Variants in CHST13 observed in about 807,000 individuals in gnomAD.
The protein encoded by CHST13 is carbohydrate sulfotransferase 13, also known as C4ST-3.
In CHST13, 1 loss-of-function variant was observed where a neutral mutation model predicts 7.0. That is an observed-to-expected ratio of 0.14 (90% confidence interval 0.05 to 0.68). CHST13 has a LOEUF of 0.68. Among genes scored for constraint, CHST13 ranks in the 30% least tolerant of loss-of-function variants. CHST13 has a pLI of 0.82. For missense variants in CHST13, 572 were observed against 507.9 expected (o/e 1.13, Z -1.21); for synonymous variants, 257 against 240.9 (o/e 1.07, Z -0.62).
intron 1 of CHST13, chr3:126,526,998 C>T (rs541294476): frequency 6.6e-6 from 1 of 152,338 alleles, no homozygotes; most frequent in African/African-American, 2.4e-5. Flanking sequence ...ACCCCTGCCT[C>T]GAGGAGCTTA....
At chr3:126,532,930 A>C (rs2107565139) in intron 1 of CHST13, among the ~76,000 whole-genome samples, 1 of 152,278 alleles carries the variant, frequency 6.6e-6, no homozygotes, top group East Asian at 1.9e-4. Context: ...TTGGGTCTTT[A>C]ATTTCTTTCA....
intron 1 of CHST13, among the ~76,000 whole-genome samples, chr3:126,534,393 A>G (rs1936719737): frequency 8.3e-6 from 1 of 120,178 alleles, no homozygotes; most frequent in South Asian, 2.3e-4. Flanking sequence ...CAGCAAGGAG[A>G]CAGACAGACA....
At chr3:126,530,075 A>G (rs1336437273) in intron 1 of CHST13, among the ~76,000 whole-genome samples, 1 of 152,216 alleles carries the variant, frequency 6.6e-6, no homozygotes, top group Admixed American at 6.5e-5. Flanking sequence ...CAGCTGGCCA[A>G]GTCAGGATTG....
At chr3:126,536,923 A>ACACACACACC (rs557001264) in intron 2 of CHST13, among the ~76,000 whole-genome samples, 29 of 141,458 alleles carry the variant, frequency 2.1e-4, no homozygotes, top group Non-Finnish European at 4.0e-4. Context: ...ACACACACAC[A>ACACACACACC]CCCCACACAC....
At chr3:126,541,507 C>A (rs1271831616) in intron 2 of CHST13, among the ~76,000 whole-genome samples, 1 of 152,226 alleles carries the variant, frequency 6.6e-6, no homozygotes. Flanking sequence ...GCGTCCTTCT[C>A]CCAGCCTCAG....
In CHST13 at chr3:126,524,278, AC is replaced by A; in HGVS notation, c.-54del. 3 of 1,204,478 alleles carry A rather than the reference AC, an allele frequency of 2.5e-6. No homozygotes were observed. The highest frequency in any genetic ancestry group is 6.5e-4 in the Middle Eastern group (2 of 3,054). The allele number at this position is 1,204,478 out of a possible 1,614,324, so 74.6% of individuals were successfully genotyped here. A position where few individuals can be genotyped will look rare whatever the true frequency, so the allele number is the denominator to read the frequency against. Reference sequence around the variant, plus strand: ...CGGGGCCGGGTCCTGGGCCAGTGCAACTCCGCCCCCAGCCGTATCCAGCGGA... The same window carrying A: ...CGGGGCCGGGTCCTGGGCCAGTGCAATCCGCCCCCAGCCGTATCCAGCGGA... On this transcript the variant is annotated 5_prime_UTR_variant, in exon 1 of 3. Transcript: ENST00000319340.
In CHST13 at chr3:126,543,158, C is replaced by CA; in HGVS notation, c.*581dup. ...CCTACCCAGGCGCCACCTTCGGTCT[C>CA]AGTCTGGCAAGACGCTGGGTCTTCA... On this transcript the variant is annotated 3_prime_UTR_variant, in exon 3 of 3. Coordinates refer to ENST00000319340, the MANE Select transcript of CHST13 (RefSeq NM_152889.3). 1 of 152,272 alleles carries CA rather than the reference C, an allele frequency of 6.6e-6. No homozygotes were observed. Among genetic ancestry groups the CA allele is most frequent in the East Asian group, 1.9e-4 (1 of 5,192 alleles). The allele number at this position is 152,272 out of a possible 1,614,324, so 9.4% of individuals were successfully genotyped here. A position where few individuals can be genotyped will look rare whatever the true frequency, so the allele number is the denominator to read the frequency against.
Position 126,536,368 on chromosome 3 carries a change from C to T in CHST13, c.180+15C>T. 6.2e-7 allele frequency: 1 copy of T among 1,605,812 alleles called. No homozygotes were observed. The highest frequency in any genetic ancestry group is 8.5e-7 in the Non-Finnish European group (1 of 1,173,140). On this transcript the variant is annotated intron_variant, in intron 2 of 2. Coordinates refer to ENST00000319340, the MANE Select transcript of CHST13 (RefSeq NM_152889.3). ...ACCTGGATCAGGTAGGTGGACAGAC[C>T]CTCGACCCAGGCATGCCCCCCTCCA...
chr3:126,526,259 G>A (rs926116333), intron 1 of CHST13, among the ~76,000 whole-genome samples: 1 of 152,226 alleles, frequency 6.6e-6, no homozygotes, highest in African/African-American at 2.4e-5. Context: ...GGCACACAGG[G>A]AGGGCACTCA....
intron 1 of CHST13, chr3:126,529,221 T>A: frequency 1.1e-6 from 1 of 934,272 alleles, no homozygotes; most frequent in Non-Finnish European, 1.5e-6. Flanking sequence ...GTGTGGTGTT[T>A]CACCCGGTAT....
Position 126,541,800 on chromosome 3 carries a change from G to GCCA in CHST13, c.250_252dup (p.His84dup). 3 of 1,550,326 alleles carry GCCA rather than the reference G, an allele frequency of 1.9e-6. No homozygotes were observed. Among genetic ancestry groups the GCCA allele is most frequent in the Non-Finnish European group, 2.6e-6 (3 of 1,149,126 alleles). On this transcript the variant is annotated inframe_insertion, in exon 3 of 3. Transcript: ENST00000319340. The stretch of plus-strand genomic sequence containing the variant: ...GACCTGCTGAACAGCGCCTGTAGCC[G>GCCA]CCACTCACGCCGGCAGCGCCTGCTA...
At chr3:126,538,546 C>A (rs1936851183) in intron 2 of CHST13, among the ~76,000 whole-genome samples, 1 of 152,250 alleles carries the variant, frequency 6.6e-6, no homozygotes, top group Non-Finnish European at 1.5e-5. Flanking sequence ...TGCCCTGACA[C>A]AGCCGGGGTC....
At position 126,541,730 on chromosome 3, in the gene CHST13, C is replaced by G; in HGVS notation, c.181-3C>G. 1 of 1,454,674 alleles carries G rather than the reference C, an allele frequency of 6.9e-7. No individual in the cohort carries two copies. Among genetic ancestry groups the G allele is most frequent in the Non-Finnish European group, 9.0e-7 (1 of 1,105,574 alleles). 90.1% of individuals were successfully genotyped at this position (1,454,674 alleles called of 1,614,324 possible). On this transcript the variant is annotated splice_region_variant and splice_polypyrimidine_tract_variant and intron_variant, in intron 2 of 2. Coordinates refer to ENST00000319340, the MANE Select transcript of CHST13 (RefSeq NM_152889.3). ...CCCCTGTCCCGTCTCCTGTCGCCCA[C>G]AGGACCCGCGCTCGACCCTGGCGAA...
At chr3:126,529,160 C>T in intron 1 of CHST13, 1 of 517,928 alleles carries the variant, frequency 1.9e-6, no homozygotes, top group Non-Finnish European at 3.4e-6. Flanking sequence ...CCTGCTTTGG[C>T]TGAGGTGGGT....
chr3:126,536,190 G>T lies in CHST13; in HGVS notation c.98-81G>T, dbSNP rs1232160040. ...TGAGTGCCAGAGGTGGGTCAAATGT[G>T]CCTAGATGGGTTGGCCAAACCCCCA... On this transcript the variant is annotated intron_variant, in intron 1 of 2. Coordinates refer to ENST00000319340, the MANE Select transcript of CHST13 (RefSeq NM_152889.3). The T allele has an allele frequency of 3.4e-5, 40 of 1,182,594 alleles. No homozygotes were observed. The Admixed American group carries it at 6.8e-4, about 20-fold the overall frequency. The allele number at this position is 1,182,594 out of a possible 1,614,324, so 73.3% of individuals were successfully genotyped here.
chr3:126,530,678 C>T lies in CHST13; in HGVS notation c.98-5593C>T, dbSNP rs551992672. ...TCAGGCCACACCCAGCCTGGGTCTC[C>T]CTGCACCAGCATGACCAGCCAACAT... On this transcript the variant is annotated intron_variant, in intron 1 of 2. Transcript: ENST00000319340. 3.3e-5 allele frequency among the ~76,000 whole-genome samples: 5 copies of T among 152,374 alleles called. No individual in the cohort carries two copies. The South Asian group carries it at 1.0e-3, about 32-fold the overall frequency.
At chr3:126,530,565 C>G (rs113367558) in intron 1 of CHST13, among the ~76,000 whole-genome samples, 1 of 152,242 alleles carries the variant, frequency 6.6e-6, no homozygotes, top group Non-Finnish European at 1.5e-5. Context: ...TGCAACACGG[C>G]GAGAAGGCCT....
In CHST13 at chr3:126,524,283, G is replaced by A; in HGVS notation, c.-50G>A. ...CCGGGTCCTGGGCCAGTGCAACTCC[G>A]CCCCCAGCCGTATCCAGCGGACTGT... On this transcript the variant is annotated 5_prime_UTR_variant, in exon 1 of 3. Transcript: ENST00000319340. 8.3e-7 allele frequency: 1 copy of A among 1,212,056 alleles called. No homozygotes were observed. The highest frequency in any genetic ancestry group is 1.0e-6 in the Non-Finnish European group (1 of 973,634). 75.1% of individuals were successfully genotyped at this position (1,212,056 alleles called of 1,614,324 possible). A position where few individuals can be genotyped will look rare whatever the true frequency, so the allele number is the denominator to read the frequency against.
chr3:126,539,859 ACCCCACAC>A (rs1936907673), intron 2 of CHST13, among the ~76,000 whole-genome samples: 1 of 24,338 alleles, frequency 4.1e-5, no homozygotes, highest in Non-Finnish European at 7.0e-5. Flanking sequence ...ACACACACAC[ACCCCACAC>A]CACACACACA....
Sources: gnomAD v4.1 joint callset for allele counts (sites outside exome capture counted in the v4.1 genomes callset) on GRCh38, gnomAD v4.1.1 for gene constraint, MANE v1.5 for transcripts, NCBI Gene and HGNC (gene_info 2026-07-23, HGNC 2026-07-21) for gene names.